Variants in TMEM123 observed in about 807,000 individuals in gnomAD.
The protein encoded by TMEM123 is transmembrane protein 123.
TMEM123 carries 16 observed loss-of-function variants against 19.7 expected under a neutral mutation model. That is an observed-to-expected ratio of 0.81 (90% CI 0.55 to 1.23). The LOEUF is 1.23. TMEM123 is among the 50% of genes most tolerant of loss of function. The pLI is 0.00. For synonymous variants in TMEM123, 118 were observed against 99.4 expected, an observed-to-expected ratio of 1.19 and a Z score of -1.12; for missense variants, 313 against 257.8, an observed-to-expected ratio of 1.21 and a Z score of -1.47.
rs1951876053 is a variant in TMEM123 at position 102,397,985 on chromosome 11, C to CAA, written c.*880_*881dup. The CAA allele has an allele frequency of 6.6e-6, 1 of 152,084 alleles. No homozygotes were observed. The highest frequency in any genetic ancestry group is 1.5e-5 in the Non-Finnish European group (1 of 68,014). 9.4% of individuals were successfully genotyped at this position (152,084 alleles called of 1,614,324 possible). A position where few individuals can be genotyped will look rare whatever the true frequency, so the allele number is the denominator to read the frequency against. ...AGCTCTACAGTTCTTAAAATATTCACAAAATATAAAATTAAAATTAAATGA... is the reference window on the plus strand; with the variant it reads ...AGCTCTACAGTTCTTAAAATATTCACAAAAAATATAAAATTAAAATTAAATGA... On this transcript the variant is annotated 3_prime_UTR_variant, in exon 5 of 5. Transcript: ENST00000398136.
intron 2 of TMEM123, among the ~76,000 whole-genome samples, chr11:102,418,302 A>G (rs1293785727): frequency 3.9e-5 from 6 of 152,220 alleles, no homozygotes; most frequent in Non-Finnish European, 5.9e-5. Context: ...CAAAGGTCTA[A>G]TATCTAGAAT....
At chr11:102,411,851 G>C (rs534119147) in intron 2 of TMEM123, among the ~76,000 whole-genome samples, 93 of 152,280 alleles carry the variant, frequency 6.1e-4, no homozygotes, top group African/African-American at 2.1e-3. Context: ...GAAAACGTGT[G>C]CAAGTGCCTA....
At chr11:102,404,468 G>C (rs1951937877) in intron 2 of TMEM123, among the ~76,000 whole-genome samples, 1 of 152,014 alleles carries the variant, frequency 6.6e-6, no homozygotes, top group Non-Finnish European at 1.5e-5. Context: ...ATTTTTAGTA[G>C]AGACAGCGCT....
At chr11:102,434,619 G>C (rs1195959134) in intron 2 of TMEM123, among the ~76,000 whole-genome samples, 1 of 151,638 alleles carries the variant, frequency 6.6e-6, no homozygotes, top group African/African-American at 2.4e-5. Context: ...TGTTTTTGTT[G>C]CCTGTGCTTT....
rs1951920200 is a variant in TMEM123 at position 102,402,184 on chromosome 11, A to G, written c.180T>C (p.Ser60=). Residue 60 remains serine, a synonymous_variant, in exon 3 of 5, where the codon TCT becomes TCC. Transcript: ENST00000398136. The part of the protein sequence containing the change: ...NSTETLQHVP[S]DHTNETSNST... ...TGTTGGAAGTTTCATTTGTATGGTC[A>G]GAAGGCACATGTTGGAGAGTCTCTG... 1.2e-6 allele frequency: 2 copies of G among 1,614,096 alleles called. No homozygotes were observed. Among genetic ancestry groups the G allele is most frequent in the South Asian group, 2.2e-5 (2 of 91,072 alleles).
chr11:102,437,689 C>T (rs770561269), intron 2 of TMEM123, among the ~76,000 whole-genome samples: 1 of 152,100 alleles, frequency 6.6e-6, no homozygotes, highest in Non-Finnish European at 1.5e-5. Context: ...TGAGAGTGCA[C>T]AGTGGTTTAG....
At chr11:102,426,403 A>AGCACTTTT (rs1280921118) in intron 2 of TMEM123, among the ~76,000 whole-genome samples, 5 of 152,118 alleles carry the variant, frequency 3.3e-5, no homozygotes, top group African/African-American at 7.2e-5. Flanking sequence ...CGATGCAGAC[A>AGCACTTTT]GCACTTTTAC....
At chr11:102,441,740 A>G (rs1006585480) in intron 2 of TMEM123, among the ~76,000 whole-genome samples, 9 of 151,310 alleles carry the variant, frequency 5.9e-5, no homozygotes, top group Non-Finnish European at 1.3e-4. Context: ...CTTCAAAAAA[A>G]AAAAAATCAA....
In TMEM123 at chr11:102,442,349, C is replaced by T. The variant is rs552204736; in HGVS notation, c.157+6463G>A. 5.2e-3 allele frequency among the ~76,000 whole-genome samples: 795 copies of T among 152,288 alleles called. 7 individuals are homozygous for T. Among genetic ancestry groups the T allele is most frequent in the African/African-American group, 0.018 (758 of 41,550 alleles). ...AGCACATCAAAAAGCTTATCCACCA[C>T]AATCAAGTTGGCTTCATCCCTGGGA... On this transcript the variant is annotated intron_variant, in intron 2 of 4. Coordinates refer to ENST00000398136, the MANE Select transcript of TMEM123 (RefSeq NM_052932.3).
chr11:102,440,561 G>A (rs1390138045), intron 2 of TMEM123, among the ~76,000 whole-genome samples: 3 of 152,144 alleles, frequency 2.0e-5, no homozygotes, highest in Non-Finnish European at 4.4e-5. Context: ...CACTAAACAT[G>A]GAAAGGAACA....
chr11:102,430,011 C>G (rs544710753), intron 2 of TMEM123, among the ~76,000 whole-genome samples: 1 of 152,354 alleles, frequency 6.6e-6, no homozygotes, highest in South Asian at 2.1e-4. Context: ...AGAGGCCTCT[C>G]TGATCTTCCA....
In TMEM123 at chr11:102,448,847, G is replaced by C. The variant is rs781432289; in HGVS notation, c.122C>G (p.Ser41Cys). ...AMAASANIEN[S>C]GLPHNSSANS... ...AGCACTGGAGTTGTGTGGAAGCCCA[G>C]AATTCTCTATGTTTGCAGATGCTGT... is the stretch of plus-strand genomic sequence containing the variant. The change falls in exon 2 of 5, where the codon TCT becomes TGT. Residue 41 changes from serine (S) to cysteine (C), a missense_variant. Ser to Cys is a moderately radical substitution (Grantham distance 112). Coordinates refer to ENST00000398136, the MANE Select transcript of TMEM123 (RefSeq NM_052932.3). The C allele has an allele frequency of 6.2e-7, 1 of 1,613,752 alleles. No homozygotes were observed. The highest frequency in any genetic ancestry group is 2.2e-5 in the East Asian group (1 of 44,872).
At chr11:102,426,096 G>T (rs2135854791) in intron 2 of TMEM123, among the ~76,000 whole-genome samples, 1 of 152,300 alleles carries the variant, frequency 6.6e-6, no homozygotes, top group East Asian at 1.9e-4. Flanking sequence ...ATGTACAAAT[G>T]AACATTTGTT....
chr11:102,445,735 G>T (rs1006401349), intron 2 of TMEM123, among the ~76,000 whole-genome samples: 1 of 152,126 alleles, frequency 6.6e-6, no homozygotes, highest in African/African-American at 2.4e-5. Flanking sequence ...GTGGTTAAAA[G>T]TTCAGTAGTG....
At chr11:102,400,570 T>C (rs1005345744) in intron 4 of TMEM123, among the ~76,000 whole-genome samples, 5 of 152,224 alleles carry the variant, frequency 3.3e-5, no homozygotes, top group Non-Finnish European at 5.9e-5. Context: ...AAAAGTGAAT[T>C]AGCTCTTACA....
chr11:102,434,333 TAATGATTCTTAATATTCAGC>T (rs1391447470), intron 2 of TMEM123, among the ~76,000 whole-genome samples: 1 of 151,940 alleles, frequency 6.6e-6, no homozygotes, highest in African/African-American at 2.4e-5. Flanking sequence ...TGCATTTCCC[TAATGATTCTTAATATTCAGC>T]AATTTCTCAT....
At chr11:102,448,983 T>A in intron 1 of TMEM123, 115 bp from the exon 2 acceptor site, 2 of 1,016,128 alleles carry the variant, frequency 2.0e-6, no homozygotes, top group South Asian at 1.3e-5. Context: ...GGTAGATTAT[T>A]CCACAGGAAG....
At chr11:102,405,824 TG>T (rs1173776506) in intron 2 of TMEM123, among the ~76,000 whole-genome samples, 2 of 152,040 alleles carry the variant, frequency 1.3e-5, no homozygotes, top group Non-Finnish European at 2.9e-5. Flanking sequence ...CAAAAAATTT[TG>T]TCAATTTCTA....
intron 2 of TMEM123, among the ~76,000 whole-genome samples, chr11:102,406,231 C>T (rs1438522218): frequency 6.6e-6 from 1 of 152,196 alleles, no homozygotes; most frequent in Non-Finnish European, 1.5e-5. Flanking sequence ...ATCTGAGGCG[C>T]ATATGTTGCT....
Sources: gnomAD v4.1 joint callset for allele counts (sites outside exome capture counted in the v4.1 genomes callset) on GRCh38, gnomAD v4.1.1 for gene constraint, MANE v1.5 for transcripts, NCBI Gene and HGNC (gene_info 2026-07-23, HGNC 2026-07-21) for gene names.